The following PKNOX2 variants were observed in gnomAD, a reference collection of about 807,000 sequenced individuals.
The protein encoded by PKNOX2 is PBX/knotted 1 homeobox 2.
In PKNOX2, 14 loss-of-function variants were observed where a neutral mutation model predicts 53.1. That is an observed-to-expected ratio of 0.26 (90% CI 0.17 to 0.41). PKNOX2 has a LOEUF of 0.41. Ranked by LOEUF, PKNOX2 falls within the 10% of genes least tolerant of loss-of-function variation. PKNOX2 has a pLI of 1.00. For synonymous variants in PKNOX2, 257 were observed against 242.8 expected, an observed-to-expected ratio of 1.06 and a Z score of -0.54; for missense variants, 496 against 602.8, an observed-to-expected ratio of 0.82 and a Z score of 1.85.
At chr11:125,402,307 G>T (rs1423394490) in intron 7 of PKNOX2, among the ~76,000 whole-genome samples, 1 of 152,110 alleles carries the variant, frequency 6.6e-6, no homozygotes, top group Non-Finnish European at 1.5e-5. Context: ...GGCTTCTTGT[G>T]GGGGCAGGAT....
At position 125,268,598 on chromosome 11, in the gene PKNOX2, A is replaced by G. The variant is rs546808491; in HGVS notation, c.-130+33483A>G. ...TTAGCTCTCCCTTGCTTCCAAGTCA[A>G]TCAATGCTGGCTTTCAGTGATATTA... On this transcript the variant is annotated intron_variant, in intron 2 of 12. Transcript: ENST00000298282. Among the ~76,000 whole-genome samples, 21 of 152,312 alleles carry G rather than the reference A, an allele frequency of 1.4e-4. No individual in the cohort carries two copies. In the Middle Eastern group the frequency reaches 0.014, roughly 99 times the overall value.
In PKNOX2 at chr11:125,402,900, G is replaced by C. The variant is rs117494797; in HGVS notation, c.588+4838G>C. ...GATAAACAAACCTCAGTACAGAGTG[G>C]AGAGGACAACAGGAGGATTTTGCCC... On this transcript the variant is annotated intron_variant, in intron 7 of 12. Coordinates refer to ENST00000298282, the MANE Select transcript of PKNOX2 (RefSeq NM_001382323.2). 3.5e-3 allele frequency among the ~76,000 whole-genome samples: 540 copies of C among 152,296 alleles called. 2 individuals carry two copies. Among genetic ancestry groups the C allele is most frequent in the Non-Finnish European group, 5.5e-3 (376 of 68,040 alleles).
Position 125,210,730 on chromosome 11 carries a change from C to T in PKNOX2, c.-200-24315C>T, listed in dbSNP as rs972352943. On this transcript the variant is annotated intron_variant, in intron 1 of 12. Coordinates refer to ENST00000298282, the MANE Select transcript of PKNOX2 (RefSeq NM_001382323.2). ...CAGACACACCAAGACGAGTTGTCAC[C>T]CTCACTGTCCCGCCTCCTACTTCTG... 5.9e-5 allele frequency among the ~76,000 whole-genome samples: 9 copies of T among 152,164 alleles called. No individual in the cohort carries two copies. The South Asian group carries it at 6.2e-4, about 11-fold the overall frequency.
chr11:125,189,437 G>GTA (rs1956694212), intron 1 of PKNOX2, among the ~76,000 whole-genome samples: 2 of 57,258 alleles, frequency 3.5e-5, no homozygotes, highest in African/African-American at 1.4e-4. Flanking sequence ...GTGTGTGTGT[G>GTA]TGTGTGTGTG....
chr11:125,247,976 C>T (rs1591495305), intron 2 of PKNOX2, among the ~76,000 whole-genome samples: 1 of 152,164 alleles, frequency 6.6e-6, no homozygotes, highest in Non-Finnish European at 1.5e-5. Context: ...ATTTCTTCCT[C>T]CCAGAGCCCC....
intron 3 of PKNOX2, among the ~76,000 whole-genome samples, chr11:125,345,226 C>T (rs2136175694): frequency 6.6e-6 from 1 of 152,282 alleles, no homozygotes; most frequent in East Asian, 1.9e-4. Flanking sequence ...GCCCCTCTTC[C>T]CAAATTCCTT....
chr11:125,273,738 AAGTT>A (rs1681731868), intron 2 of PKNOX2, among the ~76,000 whole-genome samples: 2 of 152,190 alleles, frequency 1.3e-5, no homozygotes, highest in African/African-American at 2.4e-5. Context: ...CAAAATGAGA[AAGTT>A]TGACTAGACC....
At chr11:125,202,911 A>C (rs1286057181) in intron 1 of PKNOX2, among the ~76,000 whole-genome samples, 1 of 152,178 alleles carries the variant, frequency 6.6e-6, no homozygotes, top group East Asian at 1.9e-4. Flanking sequence ...TTAGAGTTTA[A>C]AAAACCTTTC....
chr11:125,193,909 TG>T (rs2135363270), intron 1 of PKNOX2, among the ~76,000 whole-genome samples: 1 of 152,278 alleles, frequency 6.6e-6, no homozygotes, highest in South Asian at 2.1e-4. Flanking sequence ...ATTTTCAGGA[TG>T]GGGGTAGGGT....
rs528512427 is a variant in PKNOX2 at position 125,367,776 on chromosome 11, T to C, written c.88-70T>C. 9.1e-6 allele frequency: 14 copies of C among 1,536,784 alleles called. No homozygotes were observed. The African/African-American group carries it at 1.9e-4, about 21-fold the overall frequency. ...GGCACAGCACAGGCCAAGGCGGACCTCACACTACAGCCTGGAGACCAGCAC... is the reference window on the plus strand; with the variant it reads ...GGCACAGCACAGGCCAAGGCGGACCCCACACTACAGCCTGGAGACCAGCAC... On this transcript the variant is annotated intron_variant, in intron 4 of 12. Coordinates refer to ENST00000298282, the MANE Select transcript of PKNOX2 (RefSeq NM_001382323.2).
intron 1 of PKNOX2, chr11:125,184,460 A>G (rs1006988229): frequency 2.0e-5 from 3 of 152,264 alleles, no homozygotes; most frequent in African/African-American, 7.2e-5. Flanking sequence ...CCCATGAGCC[A>G]GGCTTTGAAG....
intron 1 of PKNOX2, among the ~76,000 whole-genome samples, chr11:125,197,078 G>A (rs954726794): frequency 1.8e-4 from 28 of 152,212 alleles, no homozygotes; most frequent in Admixed American, 4.6e-4. Flanking sequence ...GGTCACCATC[G>A]CTGCAGAGAG....
chr11:125,248,104 C>T (rs1943699315), intron 2 of PKNOX2, among the ~76,000 whole-genome samples: 1 of 152,212 alleles, frequency 6.6e-6, no homozygotes, highest in Admixed American at 6.5e-5. Flanking sequence ...TCTGCCTGGC[C>T]TGGCTCTTGG....
At chr11:125,372,318 G>A (rs1591546299) in intron 5 of PKNOX2, among the ~76,000 whole-genome samples, 1 of 152,190 alleles carries the variant, frequency 6.6e-6, no homozygotes, top group Non-Finnish European at 1.5e-5. Flanking sequence ...GGCTCTCGCT[G>A]CCTCAAAGCC....
At chr11:125,186,444 G>A (rs868157615) in intron 1 of PKNOX2, among the ~76,000 whole-genome samples, 1 of 152,138 alleles carries the variant, frequency 6.6e-6, no homozygotes, top group Non-Finnish European at 1.5e-5. Context: ...TTGAGCCCAG[G>A]AGTTTGAGAC....
intron 5 of PKNOX2, among the ~76,000 whole-genome samples, chr11:125,373,119 G>A (rs1441113270): frequency 2.0e-5 from 3 of 152,216 alleles, no homozygotes; most frequent in Admixed American, 6.5e-5. Flanking sequence ...CCCTGTGTTG[G>A]GCAGTGGGAA....
At chr11:125,344,039 G>A (rs1352262897) in intron 3 of PKNOX2, among the ~76,000 whole-genome samples, 4 of 152,274 alleles carry the variant, frequency 2.6e-5, no homozygotes, top group African/African-American at 9.6e-5. Flanking sequence ...GGCTGAGGAG[G>A]GTGATGGACC....
At chr11:125,316,533 C>T (rs568093432) in intron 2 of PKNOX2, among the ~76,000 whole-genome samples, 25 of 151,692 alleles carry the variant, frequency 1.6e-4, no homozygotes, top group African/African-American at 5.6e-4. Flanking sequence ...GATTCCAGAC[C>T]ACCACAATAA....
chr11:125,358,399 G>T (rs761201407), intron 4 of PKNOX2, among the ~76,000 whole-genome samples: 1 of 152,204 alleles, frequency 6.6e-6, no homozygotes, highest in Non-Finnish European at 1.5e-5. Context: ...ATCAGTTCCC[G>T]GGAAAATGCA....
Sources: gnomAD v4.1 joint callset for allele counts (sites outside exome capture counted in the v4.1 genomes callset) on GRCh38, gnomAD v4.1.1 for gene constraint, MANE v1.5 for transcripts, NCBI Gene and HGNC (gene_info 2026-07-23, HGNC 2026-07-21) for gene names.